The following LMO7 variants were observed in gnomAD, a reference collection of about 807,000 sequenced individuals.
The protein encoded by LMO7 is LIM domain 7.
In LMO7, 120 loss-of-function variants were observed where a neutral mutation model predicts 206.5. The observed-to-expected ratio is 0.58, with a 90% CI of 0.50 to 0.68. LMO7 has a LOEUF of 0.68. Ranked by LOEUF, LMO7 falls within the 30% of genes least tolerant of loss-of-function variation. The pLI, the probability that LMO7 is intolerant of heterozygous loss-of-function variation, is 0.00. For missense variants in LMO7, 1,959 were observed against 1,957.9 expected, an observed-to-expected ratio of 1.00 and a Z score of -0.01; for synonymous variants, 706 against 681.5, an observed-to-expected ratio of 1.04 and a Z score of -0.56.
At chr13:75,713,362 C>T (rs1244087507) in intron 2 of LMO7, 110 bp downstream of exon 2, 2 of 661,526 alleles carry the variant, frequency 3.0e-6, no homozygotes. Flanking sequence ...GATATGTGTT[C>T]TTGGTCACAG....
At chr13:75,678,303 G>A (rs1428605474) in intron 1 of LMO7, among the ~76,000 whole-genome samples, 1 of 152,186 alleles carries the variant, frequency 6.6e-6, no homozygotes, top group Non-Finnish European at 1.5e-5. Context: ...TCCAGCACCT[G>A]TTGTTTCCTG....
At chr13:75,636,157 C>T, upstream of LMO7, 1 of 302,046 alleles carries the variant, frequency 3.3e-6, no homozygotes. Flanking sequence ...CGGACTGTGG[C>T]ATCTCCCGGG....
intron 15 of LMO7, among the ~76,000 whole-genome samples, chr13:75,825,375 C>G (rs775795869): frequency 6.6e-6 from 1 of 152,084 alleles, no homozygotes; most frequent in East Asian, 1.9e-4. Context: ...ATGTGCTGCA[C>G]GCTGGGTGTT....
intron 4 of LMO7, among the ~76,000 whole-genome samples, chr13:75,769,753 A>G (rs2049382192): frequency 2.0e-5 from 3 of 152,090 alleles, no homozygotes; most frequent in Admixed American, 6.6e-5. Flanking sequence ...TGCTTTGAGC[A>G]ATTTGAGGGA....
chr13:75,802,724 A>G (rs1415170105), intron 7 of LMO7, among the ~76,000 whole-genome samples: 1 of 152,152 alleles, frequency 6.6e-6, no homozygotes, highest in African/African-American at 2.4e-5. Context: ...GGAAATTACA[A>G]CTAAGCGGGG....
chr13:75,727,985 C>A (rs9573637), intron 3 of LMO7, among the ~76,000 whole-genome samples: 139 of 151,640 alleles, frequency 9.2e-4, no homozygotes, highest in African/African-American at 1.8e-3. Context: ...ATAGTATTCC[C>A]TGGTGTATAT....
At chr13:75,805,170 G>A in intron 8 of LMO7, 1 of 1,171,802 alleles carries the variant, frequency 8.5e-7, no homozygotes. Flanking sequence ...ACTTGTCCTG[G>A]ATCTGGCTGT....
At chr13:75,751,926 T>A (rs2047302982) in intron 3 of LMO7, among the ~76,000 whole-genome samples, 1 of 152,116 alleles carries the variant, frequency 6.6e-6, no homozygotes, top group South Asian at 2.1e-4. Flanking sequence ...ATCAAATATA[T>A]ATTTTTTGAT....
Position 75,845,363 on chromosome 13 carries a change from C to A in LMO7, c.4134C>A (p.Tyr1378Ter). 1 of 1,583,372 alleles carries A rather than the reference C, an allele frequency of 6.3e-7. No homozygotes were observed. Among genetic ancestry groups the A allele is most frequent in the Non-Finnish European group, 8.7e-7 (1 of 1,155,242 alleles). Residue 1378 changes from tyrosine to a stop codon, truncating the protein, a stop_gained, in exon 26 of 31, where the codon TAC becomes TAA. Coordinates refer to ENST00000377534, the MANE Select transcript of LMO7 (RefSeq NM_001306080.2). LOFTEE classifies it high-confidence loss of function. ...GATCTACTACTGAACTGGATGATTACTCCACAAATAAAAATGGTAAATGCG... is the reference window on the plus strand; with the variant it reads ...GATCTACTACTGAACTGGATGATTAATCCACAAATAAAAATGGTAAATGCG... ...KSRSTTELDD[Y>*]STNKNGNNKY...
Position 75,833,062 on chromosome 13 carries a change from T to G in LMO7, c.2961T>G (p.Ser987Arg), listed in dbSNP as rs1328929559. The change falls in exon 16 of 31, where the codon AGT (serine) becomes AGG (arginine). Residue 987 changes from serine to arginine, a missense_variant. Coordinates refer to ENST00000377534, the MANE Select transcript of LMO7 (RefSeq NM_001306080.2). ...REVSRSQDQF[S>R]DMRISINQTP... is the part of the protein sequence containing the mutation. The stretch of plus-strand genomic sequence containing the variant: ...TGTTTTGTTTTCAGGATCAGTTCAG[T>G]GATATGAGAATCAGCATAAACCAGA... The G allele has an allele frequency of 6.3e-7, 1 of 1,598,532 alleles. No individual in the cohort carries two copies. The highest frequency in any genetic ancestry group is 2.2e-5 in the East Asian group (1 of 44,728).
chr13:75,626,595 A>ATATATATATTTTTTTTTTTTTTTTTTTT, intron 2 of LMO7, among the ~76,000 whole-genome samples: 11 of 71,174 alleles, frequency 1.5e-4, no homozygotes, highest in African/African-American at 2.2e-4. Context: ...ATATATATAA[A>ATATATATATTTTTTTTTTTTTTTTTTTT]TTTTTTTGAG....
chr13:75,807,382 G>A (rs1300101818), intron 9 of LMO7, 98 bp from the exon 10 acceptor site: 12 of 1,264,328 alleles, frequency 9.5e-6, no homozygotes, highest in Non-Finnish European at 1.3e-5. Context: ...TAACTGGCTA[G>A]TTGGTCTGCT....
At chr13:75,718,715 T>C (rs1461136198) in intron 2 of LMO7, among the ~76,000 whole-genome samples, 1 of 152,144 alleles carries the variant, frequency 6.6e-6, no homozygotes, top group Non-Finnish European at 1.5e-5. Context: ...TTTGGATAAA[T>C]GTGTAATGAC....
intron 21 of LMO7, 100 bp from the exon 22 acceptor site, chr13:75,840,291 C>T (rs2059465439): frequency 2.1e-6 from 3 of 1,446,294 alleles, no homozygotes; most frequent in Non-Finnish European, 9.6e-7. Context: ...TTTAAGCAAA[C>T]TGTGATATGA....
intron 1 of LMO7, among the ~76,000 whole-genome samples, chr13:75,705,562 A>C (rs1451384582): frequency 6.6e-6 from 1 of 152,218 alleles, no homozygotes; most frequent in Non-Finnish European, 1.5e-5. Flanking sequence ...TTGATAACTT[A>C]AGTGGGAAAC....
intron 1 of LMO7, among the ~76,000 whole-genome samples, chr13:75,646,848 G>T (rs2037070171): frequency 6.6e-6 from 1 of 152,160 alleles, no homozygotes; most frequent in Non-Finnish European, 1.5e-5. Context: ...GCCTCCCAAA[G>T]TGCTGGGATT....
intron 1 of LMO7, among the ~76,000 whole-genome samples, chr13:75,706,035 G>A (rs79402800): frequency 6.6e-6 from 1 of 152,262 alleles, no homozygotes; most frequent in Non-Finnish European, 1.5e-5. Context: ...CTTGTCTTGG[G>A]TCAGGCAAGT....
chr13:75,855,511 G>T, intron 29 of LMO7, 143 bp downstream of exon 29: 1 of 502,274 alleles, frequency 2.0e-6, no homozygotes, highest in Non-Finnish European at 3.6e-6. Flanking sequence ...GTCACAAATT[G>T]CTTGCTCCTC....
At position 75,636,427 on chromosome 13, in the gene LMO7, G is replaced by T. The variant is rs1387148283; in HGVS notation, c.-231G>T. 7.3e-7 allele frequency: 1 copy of T among 1,366,370 alleles called. No individual in the cohort carries two copies. Among genetic ancestry groups the T allele is most frequent in the Non-Finnish European group, 9.4e-7 (1 of 1,062,492 alleles). The allele number at this position is 1,366,370 out of a possible 1,614,324, so 84.6% of individuals were successfully genotyped here. A position where few individuals can be genotyped will look rare whatever the true frequency, so the allele number is the denominator to read the frequency against. ...CCCGGGTCCCCGCGGGCCTTGGGTC[G>T]CTTTCAGGAGTTTAGAGAAAGCCAG... On this transcript the variant is annotated 5_prime_UTR_variant, in exon 1 of 31. Coordinates refer to ENST00000377534, the MANE Select transcript of LMO7 (RefSeq NM_001306080.2).
Sources: gnomAD v4.1 joint callset for allele counts (sites outside exome capture counted in the v4.1 genomes callset) on GRCh38, gnomAD v4.1.1 for gene constraint, MANE v1.5 for transcripts, NCBI Gene and HGNC (gene_info 2026-07-23, HGNC 2026-07-21) for gene names.